NUP210: variants seen among roughly 807,000 people sequenced by gnomAD.
NUP210 encodes the protein nucleoporin 210.
NUP210 carries 151 observed loss-of-function variants against 196.0 expected under a neutral mutation model. The ratio of observed to expected loss-of-function variants is 0.77; its 90% CI spans 0.67 to 0.88. The LOEUF is 0.88. Among genes scored for constraint, NUP210 ranks in the 40% least tolerant of loss-of-function variants. The probability of loss-of-function intolerance (pLI) is 0.00; values close to 1 mark genes in which losing one functional copy is unlikely to be tolerated. For missense variants in NUP210, 2,314 were observed against 2,493.7 expected (o/e 0.93, Z 1.53); for synonymous variants, 1,070 against 1,052.7 (o/e 1.02, Z -0.32).
At chr3:13,370,616 C>T (rs1021527690) in intron 13 of NUP210, among the ~76,000 whole-genome samples, 5 of 152,220 alleles carry the variant, frequency 3.3e-5, no homozygotes, top group African/African-American at 7.2e-5. Flanking sequence ...GCCTCTCCCA[C>T]GTGCAAGACT....
intron 3 of NUP210, among the ~76,000 whole-genome samples, chr3:13,392,104 C>A (rs1348456074): frequency 6.6e-6 from 1 of 152,188 alleles, no homozygotes; most frequent in Non-Finnish European, 1.5e-5. Context: ...CATCCACACT[C>A]CCCTTCTGAC....
At chr3:13,361,244 C>T (rs1032819696) in intron 14 of NUP210, among the ~76,000 whole-genome samples, 1 of 152,218 alleles carries the variant, frequency 6.6e-6, no homozygotes, top group Non-Finnish European at 1.5e-5. Context: ...ATGCCTGGCA[C>T]ATAGCGGGTG....
intron 26 of NUP210, among the ~76,000 whole-genome samples, chr3:13,337,346 G>A (rs1430212045): frequency 6.6e-6 from 1 of 152,222 alleles, no homozygotes; most frequent in Admixed American, 6.5e-5. Context: ...CGGCTTGAGG[G>A]CACAGGCGGA....
Position 13,379,449 on chromosome 3 carries a change from G to A in NUP210, c.976+114C>T, listed in dbSNP as rs569507109. The A allele has an allele frequency of 3.1e-5, 41 of 1,341,294 alleles. No homozygotes were observed. The highest frequency in any genetic ancestry group is 2.3e-4 in the Admixed American group (13 of 55,860). 83.1% of individuals were successfully genotyped at this position (1,341,294 alleles called of 1,614,324 possible). A position where few individuals can be genotyped will look rare whatever the true frequency, so the allele number is the denominator to read the frequency against. ...TTCAGTTCTTTCTGATTTTCAGACC[G>A]TTGAGGGGAAACGGCTATTTTTAGC... On this transcript the variant is annotated intron_variant, in intron 7 of 39. Transcript: ENST00000254508. The surrounding 1 kb of genome is among the most constrained non-coding windows in gnomAD (Gnocchi z 4.2).
At chr3:13,360,535 G>T (rs1395702902) in intron 14 of NUP210, 44 bp from the exon 15 acceptor site, 2 of 1,495,582 alleles carry the variant, frequency 1.3e-6, no homozygotes, top group Admixed American at 3.9e-5. Flanking sequence ...TTCTAAGGCA[G>T]CACGGGCAGG....
rs146871106 is a variant in NUP210 at position 13,358,318 on chromosome 3, G to C, written c.2232C>G (p.Phe744Leu). The C allele has an allele frequency of 1.5e-5, 24 of 1,613,792 alleles. No homozygotes were observed. The highest frequency in any genetic ancestry group is 4.0e-5 in the African/African-American group (3 of 74,904). Residue 744 changes from phenylalanine to leucine, a missense_variant, in exon 16 of 40, where the codon TTC becomes TTG. Physicochemically the swap from Phe to Leu is conservative, Grantham distance 22. Coordinates refer to ENST00000254508, the MANE Select transcript of NUP210 (RefSeq NM_024923.4). ...FPAVEPAVVK[F>L]VCAPPSRLTL... ...TGAGCCTGGACGGTGGGGCGCAGAC[G>C]AACTTCACCACGGCAGGCTCCACCG...
chr3:13,410,055 T>A (rs1256287163), intron 1 of NUP210, among the ~76,000 whole-genome samples: 2 of 150,518 alleles, frequency 1.3e-5, no homozygotes, highest in African/African-American at 4.9e-5. Context: ...GTAGAAACGG[T>A]TTCACCGTGT....
intron 1 of NUP210, among the ~76,000 whole-genome samples, chr3:13,419,242 G>C (rs1700451800): frequency 6.6e-6 from 1 of 152,312 alleles, no homozygotes; most frequent in African/African-American, 2.4e-5. Context: ...AGGACGGCTG[G>C]GCTGGGAAGC....
chr3:13,390,315 A>C (rs1455860181), intron 4 of NUP210, among the ~76,000 whole-genome samples: 1 of 152,218 alleles, frequency 6.6e-6, no homozygotes, highest in African/African-American at 2.4e-5. Context: ...AATTGCTGCA[A>C]AAGGAGACTC....
chr3:13,345,193 AG>A, intron 20 of NUP210: 2 of 985,478 alleles, frequency 2.0e-6, no homozygotes, highest in Non-Finnish European at 2.4e-6. Context: ...TCAGCTTTAC[AG>A]AGTAAAACCA....
rs1048620 is a variant in NUP210 at position 13,316,630 on chromosome 3, C to T, written c.*1051G>A. On this transcript the variant is annotated 3_prime_UTR_variant, in exon 40 of 40. Transcript: ENST00000254508. ...TCTGGATGGGCAGGCCCTGGGCTGG[C>T]GGCCGCCCTCCATCATTGGCCCAGG... 66,032 of 152,196 alleles carry T rather than the reference C, an allele frequency of 0.43. 15,156 individuals carry two copies. Among genetic ancestry groups the T allele is most frequent in the East Asian group, 0.66 (3,425 of 5,168 alleles). The allele number at this position is 152,196 out of a possible 1,614,324, so 9.4% of individuals were successfully genotyped here. A position where few individuals can be genotyped will look rare whatever the true frequency, so the allele number is the denominator to read the frequency against.
Position 13,420,035 on chromosome 3 carries a change from C to CGCCCG in NUP210, c.167+20_167+24dup. 8.3e-7 allele frequency: 1 copy of CGCCCG among 1,210,062 alleles called. No individual in the cohort carries two copies. Among genetic ancestry groups the CGCCCG allele is most frequent in the Non-Finnish European group, 1.0e-6 (1 of 961,818 alleles). 75.0% of individuals were successfully genotyped at this position (1,210,062 alleles called of 1,614,324 possible). ...AAGGCCCAGCCCGGCCCACGGCGCCCGCCCGGCCCGGCCGCGCGCCTCACC... is the reference window on the plus strand; with the variant it reads ...AAGGCCCAGCCCGGCCCACGGCGCCCGCCCGGCCCGGCCCGGCCGCGCGCCTCACC... On this transcript the variant is annotated intron_variant, in intron 1 of 39. Transcript: ENST00000254508. The surrounding 1 kb of genome is among the most constrained non-coding windows in gnomAD (Gnocchi z 4.8).
chr3:13,343,255 A>C lies in NUP210; in HGVS notation c.2884T>G (p.Cys962Gly). 6.2e-7 allele frequency: 1 copy of C among 1,613,044 alleles called. No homozygotes were observed. Among genetic ancestry groups the C allele is most frequent in the Non-Finnish European group, 8.5e-7 (1 of 1,179,532 alleles). The change falls in exon 21 of 40, where the codon TGC becomes GGC. Residue 962 changes from cysteine to glycine, a missense_variant. By Grantham distance (159) the Cys-to-Gly change is radical. Transcript: ENST00000254508. ...TTGGCTGGGGCCGGGAAGACGAGGCACAAGTCATGGATCATGATGGTGGAT... is the reference window on the plus strand; with the variant it reads ...TTGGCTGGGGCCGGGAAGACGAGGCCCAAGTCATGGATCATGATGGTGGAT... ...GSSTIMIHDL[C>G]LVFPAPAKAV...
intron 31 of NUP210, among the ~76,000 whole-genome samples, 165 bp from the exon 32 acceptor site, chr3:13,327,602 G>A (rs1211340053): frequency 1.8e-4 from 28 of 152,218 alleles, no homozygotes; most frequent in Non-Finnish European, 1.5e-5. Context: ...CCAGATGAGG[G>A]ACCACTGCAG....
rs866635011 is a variant in NUP210 at position 13,409,077 on chromosome 3, C to A, written c.168-9216G>T. ...CCAGGGTCTGTAGGCCTCCCCTGCC[C>A]TTCCCACAAACAGCTGTCAACAGGC... On this transcript the variant is annotated intron_variant, in intron 1 of 39. Transcript: ENST00000254508. 2.2e-4 allele frequency among the ~76,000 whole-genome samples: 34 copies of A among 152,314 alleles called. No homozygotes were observed. The Middle Eastern group carries it at 0.017, about 76-fold the overall frequency.
chr3:13,319,696 C>A, intron 37 of NUP210, 67 bp downstream of exon 37: 1 of 1,381,630 alleles, frequency 7.2e-7, no homozygotes, highest in Non-Finnish European at 1.0e-6. Context: ...CTACTGATAG[C>A]CAGGACCACT....
In NUP210 at chr3:13,399,940, A is replaced by T. The variant is rs2124947301; in HGVS notation, c.168-79T>A. ...TGGGGTCCAGACACCAGGCTGTGGCACCCGTCTAGGGCGCAGTCCTGGACC... is the reference window on the plus strand; with the variant it reads ...TGGGGTCCAGACACCAGGCTGTGGCTCCCGTCTAGGGCGCAGTCCTGGACC... On this transcript the variant is annotated intron_variant, in intron 1 of 39. Transcript: ENST00000254508. 2.0e-6 allele frequency: 3 copies of T among 1,507,834 alleles called. No individual in the cohort carries two copies. In the South Asian group the frequency reaches 3.9e-5, roughly 19 times the overall value. 93.4% of individuals were successfully genotyped at this position (1,507,834 alleles called of 1,614,324 possible).
chr3:13,341,935 G>C (rs749343780), intron 22 of NUP210, 52 bp from the exon 23 acceptor site: 3 of 1,613,256 alleles, frequency 1.9e-6, no homozygotes, highest in Non-Finnish European at 2.5e-6. Context: ...CGTGGGAAAG[G>C]CTGCAGCTGG....
intron 15 of NUP210, among the ~76,000 whole-genome samples, chr3:13,359,382 T>C (rs1165276404): frequency 6.6e-6 from 1 of 152,194 alleles, no homozygotes; most frequent in African/African-American, 2.4e-5. Context: ...GTTCTTGTTG[T>C]TTTATTGTTT....
Sources: allele counts gnomAD v4.1 joint callset (sites outside exome capture counted in the v4.1 genomes callset), GRCh38; gene constraint gnomAD v4.1.1; non-coding constraint Gnocchi (gnomAD v3.1); transcripts MANE v1.5; gene names NCBI Gene and HGNC (gene_info 2026-07-23, HGNC 2026-07-21).